The following CHCHD6 variants were observed in gnomAD, a reference collection of about 807,000 sequenced individuals.
CHCHD6 encodes the protein MICOS complex subunit MIC25.
CHCHD6 carries 28 observed loss-of-function variants against 32.3 expected under a neutral mutation model. The observed-to-expected ratio is 0.87, with a 90% CI of 0.64 to 1.19. The LOEUF (loss-of-function observed/expected upper bound fraction) is 1.19. Ranked by LOEUF, CHCHD6 falls within the 50% of genes most tolerant of loss-of-function variation. CHCHD6 has a pLI of 0.00. For missense variants in CHCHD6, 333 were observed against 307.0 expected, an observed-to-expected ratio of 1.08 and a Z score of -0.63; for synonymous variants, 122 against 117.5, an observed-to-expected ratio of 1.04 and a Z score of -0.25.
At chr3:126,808,898 A>AT (rs1939532883) in intron 4 of CHCHD6, among the ~76,000 whole-genome samples, 1 of 152,108 alleles carries the variant, frequency 6.6e-6, no homozygotes, top group Non-Finnish European at 1.5e-5. Flanking sequence ...CACTCTCATA[A>AT]TAAGCAGATG....
chr3:126,739,516 G>A (rs1213777010), intron 4 of CHCHD6, among the ~76,000 whole-genome samples: 3 of 152,188 alleles, frequency 2.0e-5, no homozygotes, highest in Non-Finnish European at 4.4e-5. Context: ...GTACCCAGGT[G>A]TCTCAAGAAA....
chr3:126,790,416 G>A (rs1938468198), intron 4 of CHCHD6, among the ~76,000 whole-genome samples: 1 of 152,170 alleles, frequency 6.6e-6, no homozygotes, highest in Non-Finnish European at 1.5e-5. Flanking sequence ...AGTGCAGAGT[G>A]TTTTTCAACT....
intron 7 of CHCHD6, among the ~76,000 whole-genome samples, chr3:126,959,820 G>A (rs1236665359): frequency 1.3e-5 from 2 of 152,236 alleles, no homozygotes; most frequent in African/African-American, 2.4e-5. Context: ...GAACAGAGGG[G>A]AGGCCTTGAT....
intron 4 of CHCHD6, among the ~76,000 whole-genome samples, chr3:126,783,756 T>TTTTTTTTTTTTTTTTTTTTTTTGAGACG (rs1938061593): frequency 6.6e-6 from 1 of 152,154 alleles, no homozygotes; most frequent in African/African-American, 2.4e-5. Context: ...GAGGCCTTTT[T>TTTTTTTTTTTTTTTTTTTTTTTGAGACG]GATCAGCAGC....
At chr3:126,852,209 G>A (rs961258390) in intron 4 of CHCHD6, among the ~76,000 whole-genome samples, 2 of 152,184 alleles carry the variant, frequency 1.3e-5, no homozygotes, top group African/African-American at 4.8e-5. Context: ...ACACCCAGCG[G>A]CCGGACACAC....
intron 5 of CHCHD6, among the ~76,000 whole-genome samples, chr3:126,864,836 C>A (rs1942194634): frequency 7.1e-6 from 1 of 140,386 alleles, no homozygotes. Flanking sequence ...TCCTCTTCCT[C>A]CTCCACCATC....
chr3:126,858,489 C>G (rs1000844600), intron 5 of CHCHD6, among the ~76,000 whole-genome samples: 1 of 152,196 alleles, frequency 6.6e-6, no homozygotes, highest in Non-Finnish European at 1.5e-5. Context: ...TCTGCTGCCC[C>G]TCGCTGCCAG....
chr3:126,743,118 C>T (rs1936348475), intron 4 of CHCHD6, among the ~76,000 whole-genome samples: 1 of 152,110 alleles, frequency 6.6e-6, no homozygotes, highest in African/African-American at 2.4e-5. Context: ...AGCTTGTGGA[C>T]TCCTCCTCTT....
intron 4 of CHCHD6, among the ~76,000 whole-genome samples, chr3:126,764,728 G>T (rs1406830363): frequency 6.6e-6 from 1 of 152,226 alleles, no homozygotes; most frequent in Admixed American, 6.5e-5. Flanking sequence ...GAGCACAGAT[G>T]CCTGGGTTGC....
intron 1 of CHCHD6, among the ~76,000 whole-genome samples, chr3:126,724,632 C>G (rs553075357): frequency 1.2e-4 from 19 of 152,262 alleles, no homozygotes; most frequent in South Asian, 2.1e-4. Flanking sequence ...CTTCCTTTCA[C>G]AAAAGATTTC....
chr3:126,704,519 T>C (rs564958440), intron 1 of CHCHD6, 120 bp downstream of exon 1: 188 of 575,352 alleles, frequency 3.3e-4, no homozygotes, highest in Non-Finnish European at 4.8e-4. Context: ...CTTGGGAGAC[T>C]CCGGGGGCTC....
intron 5 of CHCHD6, among the ~76,000 whole-genome samples, chr3:126,901,714 A>G (rs770456720): frequency 6.6e-6 from 1 of 152,240 alleles, no homozygotes; most frequent in East Asian, 1.9e-4. Flanking sequence ...GAGTGCAAGC[A>G]GGATTTGGGG....
rs535722208 is a variant in CHCHD6, at chr3:126,767,081, C to T, written c.411+33859C>T. ...AACCAGTCTGTAGTTGTACTCTGTCCGCCGTGCCCGGGCGATGAACTTCCC... is the reference window on the plus strand; with the variant it reads ...AACCAGTCTGTAGTTGTACTCTGTCTGCCGTGCCCGGGCGATGAACTTCCC... On this transcript the variant is annotated intron_variant, in intron 4 of 7. Transcript: ENST00000290913. The T allele has an allele frequency of 7.3e-5, 85 of 1,163,294 alleles. 1 individual carries two copies. The highest frequency in any genetic ancestry group is 2.8e-4 in the South Asian group (22 of 79,568). The allele number at this position is 1,163,294 out of a possible 1,614,324, so 72.1% of individuals were successfully genotyped here. A position where few individuals can be genotyped will look rare whatever the true frequency, so the allele number is the denominator to read the frequency against.
chr3:126,826,975 GTAAA>G (rs1940422451), intron 4 of CHCHD6, among the ~76,000 whole-genome samples: 1 of 152,162 alleles, frequency 6.6e-6, no homozygotes, highest in Admixed American at 6.5e-5. Flanking sequence ...GACTTGGAGA[GTAAA>G]TAGGAATTAA....
intron 4 of CHCHD6, among the ~76,000 whole-genome samples, chr3:126,816,972 T>C (rs143526727): frequency 0.032 from 4,854 of 152,234 alleles, 129 homozygotes; most frequent in African/African-American, 0.073. Context: ...GTTTGGTTTT[T>C]TGTCCTTGCA....
chr3:126,957,282 G>C lies in CHCHD6; in HGVS notation c.567-134G>C, dbSNP rs2078798924. ...GGGAAAGCACAGTGCTTCTCCTTGA[G>C]GGTTAAAAGGATGCTGCTGGGTGTC... is the stretch of plus-strand genomic sequence containing the variant. On this transcript the variant is annotated intron_variant, in intron 6 of 7. Coordinates refer to ENST00000290913, the MANE Select transcript of CHCHD6 (RefSeq NM_032343.3). 3 of 971,392 alleles carry C rather than the reference G, an allele frequency of 3.1e-6. No homozygotes were observed. The Admixed American group carries it at 6.4e-5, about 21-fold the overall frequency. 60.2% of individuals were successfully genotyped at this position (971,392 alleles called of 1,614,324 possible).
At chr3:126,815,595 A>G (rs996885523) in intron 4 of CHCHD6, among the ~76,000 whole-genome samples, 7 of 149,350 alleles carry the variant, frequency 4.7e-5, no homozygotes, top group African/African-American at 1.7e-4. Context: ...TGCTCTTTCC[A>G]TAGCTACTCT....
intron 5 of CHCHD6, among the ~76,000 whole-genome samples, chr3:126,858,324 T>G (rs931327180): frequency 7.1e-6 from 1 of 141,188 alleles, no homozygotes; most frequent in Non-Finnish European, 1.6e-5. Context: ...GAGGGGTGGG[T>G]AAGGCTTCCT....
At chr3:126,764,192 C>G (rs1347649804) in intron 4 of CHCHD6, among the ~76,000 whole-genome samples, 1 of 121,396 alleles carries the variant, frequency 8.2e-6, no homozygotes, top group Non-Finnish European at 1.7e-5. Flanking sequence ...TACATACATA[C>G]ATACATGCAT....
Sources: allele counts gnomAD v4.1 joint callset (sites outside exome capture counted in the v4.1 genomes callset), GRCh38; gene constraint gnomAD v4.1.1; transcripts MANE v1.5; gene names NCBI Gene and HGNC (gene_info 2026-07-23, HGNC 2026-07-21).